The following ANKFN1 variants were observed in gnomAD, a reference collection of about 807,000 sequenced individuals.
ANKFN1 encodes ankyrin repeat and fibronectin type III domain containing 1, also known as ankyrin repeat and fibronectin type-III domain-containing protein 1.
Under a neutral mutation model 108.7 loss-of-function variants are expected in ANKFN1, and 74 were observed. The ratio of observed to expected loss-of-function variants is 0.68; its 90% CI spans 0.56 to 0.83. The LOEUF (loss-of-function observed/expected upper bound fraction) is 0.83, where lower values mean the gene tolerates loss of function less well. Among genes scored for constraint, ANKFN1 ranks in the 40% least tolerant of loss-of-function variants. ANKFN1 has a pLI of 0.00. For synonymous variants in ANKFN1, 547 were observed against 516.2 expected (o/e 1.06, Z -0.81); for missense variants, 1,505 against 1,382.3 (o/e 1.09, Z -1.41).
At position 56,084,629 on chromosome 17, in the gene ANKFN1, A is replaced by C. The variant is rs900326418; in HGVS notation, c.288+38304A>C. On this transcript the variant is annotated intron_variant, in intron 4 of 12. Transcript: ENST00000635860. ...CGTGTTGACAGTGTATCTTTGAGGA[A>C]TTTGTAGGAAAAGGTGGGAAAACAG... is the stretch of plus-strand genomic sequence containing the variant. Among the ~76,000 whole-genome samples the C allele has an allele frequency of 4.0e-5, 6 of 151,468 alleles. 1 individual carries two copies. Among genetic ancestry groups the C allele is most frequent in the Non-Finnish European group, 7.4e-5 (5 of 67,792 alleles).
chr17:56,286,771 T>G lies in ANKFN1; in HGVS notation c.54-39450T>G, dbSNP rs184387049. Among the ~76,000 whole-genome samples the G allele has an allele frequency of 1.4e-3, 218 of 152,312 alleles. 1 individual carries two copies. Among genetic ancestry groups the G allele is most frequent in the African/African-American group, 5.1e-3 (211 of 41,556 alleles). On this transcript the variant is annotated intron_variant, in intron 3 of 20. Coordinates refer to ENST00000682825, the MANE Select transcript of ANKFN1 (RefSeq NM_001370326.1). ...TCAAGAGCAAAGAACATTCGACTAC[T>G]ACCTTTACACTCCTTTTTGTAAGAT...
At chr17:56,292,491 T>G (rs772101350) in intron 3 of ANKFN1, among the ~76,000 whole-genome samples, 1 of 152,184 alleles carries the variant, frequency 6.6e-6, no homozygotes, top group African/African-American at 2.4e-5. Context: ...AGAAATGGAA[T>G]GTCCACTCTT....
At chr17:56,292,378 C>G (rs960576793) in intron 3 of ANKFN1, among the ~76,000 whole-genome samples, 1 of 152,186 alleles carries the variant, frequency 6.6e-6, no homozygotes, top group South Asian at 2.1e-4. Context: ...AAAATGCCAT[C>G]TCCTCTTCAG....
intron 1 of ANKFN1, among the ~76,000 whole-genome samples, chr17:56,210,755 C>T (rs780763804): frequency 2.0e-5 from 3 of 152,128 alleles, no homozygotes; most frequent in Non-Finnish European, 4.4e-5. Flanking sequence ...GCGGAAGGCA[C>T]CTCTTCACAG....
chr17:56,175,334 TAACA>T (rs892858230), intron 1 of ANKFN1, among the ~76,000 whole-genome samples: 7 of 152,108 alleles, frequency 4.6e-5, no homozygotes, highest in Admixed American at 3.9e-4. Flanking sequence ...GAGGTAAAAC[TAACA>T]AACAAAAAAA....
intron 4 of ANKFN1, among the ~76,000 whole-genome samples, chr17:56,331,411 C>G (rs985613194): frequency 6.6e-6 from 1 of 152,212 alleles, no homozygotes; most frequent in Non-Finnish European, 1.5e-5. Flanking sequence ...ACAACTGCTT[C>G]TCATCCAGAC....
intron 4 of ANKFN1, among the ~76,000 whole-genome samples, chr17:56,049,229 T>C (rs1033943848): frequency 6.6e-6 from 1 of 152,160 alleles, no homozygotes; most frequent in Non-Finnish European, 1.5e-5. Flanking sequence ...TCAGTGATTA[T>C]CTCTTTTATT....
intron 4 of ANKFN1, among the ~76,000 whole-genome samples, chr17:56,127,471 A>T (rs1907005837): frequency 6.6e-6 from 1 of 151,878 alleles, no homozygotes; most frequent in Non-Finnish European, 1.5e-5. Context: ...GTACCACCAC[A>T]CCCAGCTAAT....
At chr17:56,071,944 C>T (rs1196948087) in intron 4 of ANKFN1, among the ~76,000 whole-genome samples, 2 of 152,244 alleles carry the variant, frequency 1.3e-5, no homozygotes, top group Non-Finnish European at 2.9e-5. Flanking sequence ...AGTGCATGTT[C>T]TGGGCCCTCC....
At chr17:56,320,480 A>G (rs1157897862) in intron 3 of ANKFN1, among the ~76,000 whole-genome samples, 1 of 152,332 alleles carries the variant, frequency 6.6e-6, no homozygotes, top group Admixed American at 6.5e-5. Context: ...TTGGAACTGC[A>G]TATAAATGGG....
intron 4 of ANKFN1, among the ~76,000 whole-genome samples, chr17:56,126,541 T>A (rs1366135471): frequency 6.6e-6 from 1 of 152,182 alleles, no homozygotes; most frequent in East Asian, 1.9e-4. Flanking sequence ...GCTGCTGGCG[T>A]CGGCCACAGA....
chr17:56,302,958 C>T (rs1381423177), intron 3 of ANKFN1, among the ~76,000 whole-genome samples: 1 of 152,156 alleles, frequency 6.6e-6, no homozygotes, highest in Non-Finnish European at 1.5e-5. Context: ...TGACTAGAGG[C>T]ACTACTGTAA....
chr17:56,258,279 C>A (rs999394708), intron 3 of ANKFN1: 3 of 152,146 alleles, frequency 2.0e-5, no homozygotes, highest in African/African-American at 4.8e-5. Context: ...TAGAAATGTT[C>A]GCCCTCTACT....
chr17:56,329,427 G>A (rs2045604228), intron 4 of ANKFN1, among the ~76,000 whole-genome samples: 1 of 151,878 alleles, frequency 6.6e-6, no homozygotes, highest in Non-Finnish European at 1.5e-5. Context: ...TCCTTCTCAG[G>A]CATCACTTTC....
intron 7 of ANKFN1, 107 bp from the exon 8 acceptor site, chr17:56,374,494 C>A: frequency 1.2e-6 from 1 of 819,348 alleles, no homozygotes; most frequent in Non-Finnish European, 2.0e-6. Context: ...GCTCCACAAA[C>A]AAATGTTTCC....
intron 3 of ANKFN1, among the ~76,000 whole-genome samples, chr17:56,237,805 T>C (rs186140707): frequency 6.5e-4 from 99 of 152,288 alleles, no homozygotes; most frequent in Non-Finnish European, 1.1e-3. Context: ...GGTTATTTCT[T>C]GTCTTCTGCT....
chr17:56,225,567 G>A (rs1346642061), intron 2 of ANKFN1, among the ~76,000 whole-genome samples: 4 of 152,170 alleles, frequency 2.6e-5, no homozygotes, highest in Non-Finnish European at 4.4e-5. Context: ...TGTTATTAGG[G>A]CCCAACACAG....
chr17:56,491,556 G>A (rs1245687413), intron 18 of ANKFN1, among the ~76,000 whole-genome samples: 4 of 152,174 alleles, frequency 2.6e-5, no homozygotes, highest in Non-Finnish European at 5.9e-5. Flanking sequence ...GTTGAGAGAA[G>A]AAAACCAAGT....
At chr17:56,379,354 G>C (rs544205712) in intron 8 of ANKFN1, among the ~76,000 whole-genome samples, 8 of 150,892 alleles carry the variant, frequency 5.3e-5, no homozygotes, top group Non-Finnish European at 1.2e-4. Flanking sequence ...AGCTGAGATC[G>C]TGCCACTGCA....
Sources: allele counts gnomAD v4.1 joint callset (sites outside exome capture counted in the v4.1 genomes callset), GRCh38; gene constraint gnomAD v4.1.1; transcripts MANE v1.5; gene names NCBI Gene and HGNC (gene_info 2026-07-23, HGNC 2026-07-21).